The following PRKCE variants were observed in gnomAD, a reference collection of about 807,000 sequenced individuals.
The protein encoded by PRKCE is protein kinase C epsilon type.
PRKCE carries 16 observed loss-of-function variants against 85.4 expected under a neutral mutation model. The observed-to-expected ratio is 0.19, with a 90% CI of 0.13 to 0.28. The LOEUF is 0.28. Among genes scored for constraint, PRKCE ranks in the 10% least tolerant of loss-of-function variants. The pLI is 1.00. For synonymous variants in PRKCE, 388 were observed against 371.5 expected, an observed-to-expected ratio of 1.04 and a Z score of -0.51; for missense variants, 573 against 975.2, an observed-to-expected ratio of 0.59 and a Z score of 5.49.
At chr2:45,735,253 G>C (rs982162495) in intron 1 of PRKCE, among the ~76,000 whole-genome samples, 4 of 152,266 alleles carry the variant, frequency 2.6e-5, no homozygotes, top group Non-Finnish European at 5.9e-5. Context: ...TTTCCAGCTT[G>C]AGTTAGACAT....
chr2:45,847,088 T>C (rs1691855435), intron 2 of PRKCE, among the ~76,000 whole-genome samples: 1 of 152,218 alleles, frequency 6.6e-6, no homozygotes, highest in South Asian at 2.1e-4. Flanking sequence ...GCAGGGACTG[T>C]GCGATTGCTT....
chr2:45,763,737 G>T (rs962441015), intron 1 of PRKCE, among the ~76,000 whole-genome samples: 2 of 152,092 alleles, frequency 1.3e-5, no homozygotes, highest in African/African-American at 4.8e-5. Context: ...GGGCCCAAGG[G>T]ATCATGTAGT....
At chr2:46,003,505 G>A (rs183563838) in intron 7 of PRKCE, among the ~76,000 whole-genome samples, 17 of 152,276 alleles carry the variant, frequency 1.1e-4, no homozygotes, top group Admixed American at 1.0e-3. Context: ...CTTACTTTGT[G>A]TAAGTCACTA....
chr2:46,140,866 C>T (rs529540345), intron 11 of PRKCE, among the ~76,000 whole-genome samples: 2 of 151,932 alleles, frequency 1.3e-5, no homozygotes, highest in Non-Finnish European at 2.9e-5. Context: ...GAAAAATGGG[C>T]AACAATTCAT....
At chr2:45,962,380 C>T (rs1179447054) in intron 2 of PRKCE, among the ~76,000 whole-genome samples, 1 of 152,220 alleles carries the variant, frequency 6.6e-6, no homozygotes, top group Non-Finnish European at 1.5e-5. Flanking sequence ...TTGGTCGCTA[C>T]TTTTACTTCA....
intron 10 of PRKCE, among the ~76,000 whole-genome samples, chr2:46,081,659 G>GA (rs1178884158): frequency 6.6e-6 from 1 of 152,214 alleles, no homozygotes; most frequent in Non-Finnish European, 1.5e-5. Context: ...GTTCCAGGCA[G>GA]AAAGAACAGT....
chr2:45,766,909 C>T (rs868510349), intron 1 of PRKCE, among the ~76,000 whole-genome samples: 1 of 152,078 alleles, frequency 6.6e-6, no homozygotes, highest in Non-Finnish European at 1.5e-5. Context: ...GGCATGATGG[C>T]GTGTGCCAGT....
At chr2:45,946,856 G>A (rs1254564490) in intron 2 of PRKCE, among the ~76,000 whole-genome samples, 1 of 152,232 alleles carries the variant, frequency 6.6e-6, no homozygotes, top group African/African-American at 2.4e-5. Flanking sequence ...CCTTAGAGGG[G>A]TCAACTCCTA....
chr2:45,892,752 A>G (rs1573774890), intron 2 of PRKCE, among the ~76,000 whole-genome samples: 1 of 152,350 alleles, frequency 6.6e-6, no homozygotes, highest in East Asian at 1.9e-4. Flanking sequence ...CTTGAGCAAA[A>G]TTGGCCTAAT....
At chr2:46,071,620 C>T (rs1245457630) in intron 10 of PRKCE, among the ~76,000 whole-genome samples, 3 of 152,184 alleles carry the variant, frequency 2.0e-5, no homozygotes, top group Non-Finnish European at 4.4e-5. Context: ...ACTTTAAAAA[C>T]GTCCATGGAA....
chr2:46,141,534 A>G (rs1195081658), intron 11 of PRKCE, among the ~76,000 whole-genome samples: 1 of 152,208 alleles, frequency 6.6e-6, no homozygotes. Context: ...GAGAATTTTT[A>G]CTGCATGCCC....
intron 14 of PRKCE, among the ~76,000 whole-genome samples, chr2:46,170,644 C>A (rs1678805619): frequency 6.6e-6 from 1 of 152,144 alleles, no homozygotes; most frequent in Non-Finnish European, 1.5e-5. Flanking sequence ...CTCTTCTCAC[C>A]TTTTATGGCT....
chr2:45,951,288 C>T (rs1490470023), intron 2 of PRKCE, among the ~76,000 whole-genome samples: 1 of 152,178 alleles, frequency 6.6e-6, no homozygotes, highest in African/African-American at 2.4e-5. Flanking sequence ...CAACTTTAAC[C>T]TAAGGCTCTA....
chr2:45,888,651 C>T (rs1695482563), intron 2 of PRKCE, among the ~76,000 whole-genome samples: 1 of 151,926 alleles, frequency 6.6e-6, no homozygotes, highest in Admixed American at 6.6e-5. Flanking sequence ...GGGGTTTCAC[C>T]ATGTTGGCCA....
intron 1 of PRKCE, among the ~76,000 whole-genome samples, chr2:45,741,647 A>G (rs13401175): frequency 7.2e-6 from 1 of 138,130 alleles, no homozygotes; most frequent in Non-Finnish European, 1.5e-5. Flanking sequence ...GGCATGTGCA[A>G]GTTTTGGGCC....
At chr2:45,988,035 C>A (rs770006024) in intron 6 of PRKCE, among the ~76,000 whole-genome samples, 1 of 152,210 alleles carries the variant, frequency 6.6e-6, no homozygotes. Context: ...GGCTCTTGCA[C>A]CCATGCAGCC....
intron 2 of PRKCE, among the ~76,000 whole-genome samples, chr2:45,927,083 T>A (rs984083639): frequency 4.0e-5 from 6 of 151,086 alleles, no homozygotes; most frequent in African/African-American, 1.5e-4. Flanking sequence ...TGTGCACATG[T>A]GAGCGTGCAT....
intron 2 of PRKCE, among the ~76,000 whole-genome samples, chr2:45,847,000 G>T (rs894095185): frequency 4.6e-5 from 7 of 152,194 alleles, no homozygotes; most frequent in Non-Finnish European, 8.8e-5. Context: ...GGTTTCTGAC[G>T]CTGGGGTGGG....
chr2:45,785,161 G>A (rs180791510), intron 1 of PRKCE, among the ~76,000 whole-genome samples: 16 of 152,198 alleles, frequency 1.1e-4, no homozygotes, highest in African/African-American at 3.9e-4. Flanking sequence ...TTCTTAAGTT[G>A]TATTATAGCA....
Sources: gnomAD v4.1 joint callset for allele counts (sites outside exome capture counted in the v4.1 genomes callset) on GRCh38, gnomAD v4.1.1 for gene constraint, MANE v1.5 for transcripts, NCBI Gene and HGNC (gene_info 2026-07-23, HGNC 2026-07-21) for gene names.